ACER2: variants seen among roughly 807,000 people sequenced by gnomAD.
The protein encoded by ACER2 is alkaline ceramidase 2.
A neutral mutation model predicts 34.7 loss-of-function variants in ACER2; 26 were observed. The observed-to-expected ratio is 0.75, with a 90% CI of 0.55 to 1.04. The LOEUF is 1.04. Ranked by LOEUF, ACER2 falls within the 50% of genes least tolerant of loss-of-function variation. ACER2 has a pLI of 0.00. For missense variants in ACER2, 352 were observed against 340.8 expected, an observed-to-expected ratio of 1.03 and a Z score of -0.26; for synonymous variants, 138 against 132.1, an observed-to-expected ratio of 1.04 and a Z score of -0.31.
rs1444284799 is a variant in ACER2 at position 19,421,276 on chromosome 9, A to G, written c.109-2586A>G. Among the ~76,000 whole-genome samples the G allele has an allele frequency of 2.6e-5, 4 of 152,230 alleles. No homozygotes were observed. The East Asian group carries it at 7.7e-4, about 29-fold the overall frequency. Reference sequence around the variant, plus strand: ...TGCAAATAATGATACTATCACATTGATGATTAAGTTTTAACATATGAATTT... The same window carrying G: ...TGCAAATAATGATACTATCACATTGGTGATTAAGTTTTAACATATGAATTT... On this transcript the variant is annotated intron_variant, in intron 1 of 5. Transcript: ENST00000340967.
chr9:19,448,709 A>C (rs1831459864), intron 5 of ACER2, among the ~76,000 whole-genome samples: 1 of 152,230 alleles, frequency 6.6e-6, no homozygotes, highest in Non-Finnish European at 1.5e-5. Flanking sequence ...TGTTTGAGAA[A>C]AATTATATTT....
intron 4 of ACER2, among the ~76,000 whole-genome samples, chr9:19,439,344 C>CTTTTTTTTTTTTTTTTTTTTTTTTTTT (rs55690063): frequency 2.2e-5 from 3 of 138,752 alleles, no homozygotes; most frequent in Non-Finnish European, 1.5e-5. Flanking sequence ...AAGGGGCTTG[C>CTTTTTTTTTTTTTTTTTTTTTTTTTTT]TTTTTTTTTT....
intron 4 of ACER2, among the ~76,000 whole-genome samples, chr9:19,438,387 C>G (rs1831039488): frequency 1.3e-5 from 2 of 152,090 alleles, no homozygotes; most frequent in Non-Finnish European, 2.9e-5. Context: ...GGGATCTTAC[C>G]TTTATTATCC....
intron 5 of ACER2, among the ~76,000 whole-genome samples, chr9:19,448,862 C>T (rs1038070959): frequency 2.0e-5 from 3 of 152,098 alleles, no homozygotes; most frequent in Non-Finnish European, 2.9e-5. Flanking sequence ...TCATATCAGC[C>T]GGGCGTGGTG....
At chr9:19,441,981 T>G (rs1831170535) in intron 4 of ACER2, among the ~76,000 whole-genome samples, 1 of 152,242 alleles carries the variant, frequency 6.6e-6, no homozygotes, top group African/African-American at 2.4e-5. Context: ...TCACTTTCTC[T>G]TTCTCTTTAG....
chr9:19,429,664 A>G (rs892551439), intron 3 of ACER2, among the ~76,000 whole-genome samples: 5 of 152,172 alleles, frequency 3.3e-5, no homozygotes, highest in African/African-American at 1.2e-4. Flanking sequence ...TTATTCTGCT[A>G]TAGTTTTTAT....
chr9:19,429,414 C>A (rs1475033768), intron 3 of ACER2, among the ~76,000 whole-genome samples: 1 of 152,184 alleles, frequency 6.6e-6, no homozygotes, highest in Non-Finnish European at 1.5e-5. Context: ...TCACTGCAAC[C>A]TCTGCTTCCT....
chr9:19,434,645 C>T (rs1038040336), intron 3 of ACER2, among the ~76,000 whole-genome samples: 4 of 152,214 alleles, frequency 2.6e-5, no homozygotes, highest in East Asian at 1.9e-4. Context: ...TGGCGGTGCG[C>T]GCCTGCAATT....
At chr9:19,424,556 G>T (rs1026862673) in intron 2 of ACER2, 144 bp from the exon 3 acceptor site, 2 of 1,474,724 alleles carry the variant, frequency 1.4e-6, no homozygotes, top group Non-Finnish European at 1.8e-6. Context: ...GGTGGTGTGA[G>T]TTTCTTTCTT....
chr9:19,419,518 C>T (rs868546969), intron 1 of ACER2, among the ~76,000 whole-genome samples: 5 of 152,292 alleles, frequency 3.3e-5, no homozygotes, highest in Middle Eastern at 3.4e-3. Context: ...GTAATCCTGG[C>T]ACTGTTAAAG....
At chr9:19,436,259 C>T (rs1563886116) in intron 4 of ACER2, among the ~76,000 whole-genome samples, 1 of 152,048 alleles carries the variant, frequency 6.6e-6, no homozygotes, top group Admixed American at 6.5e-5. Flanking sequence ...CTCCCCTCCC[C>T]ATCTTTAGTC....
Position 19,409,197 on chromosome 9 carries a change from G to A in ACER2, c.108+5G>A, listed in dbSNP as rs1408090592. The A allele has an allele frequency of 6.3e-7, 1 of 1,577,578 alleles. No homozygotes were observed. The highest frequency in any genetic ancestry group is 1.2e-5 in the South Asian group (1 of 86,174). ...ATCGCCGAGTTCTACAACACGGTGC[G>A]GGGCGCGGGAGCGGGGAAGGCAGGC... On this transcript the variant is annotated splice_donor_5th_base_variant and intron_variant, in intron 1 of 5. Coordinates refer to ENST00000340967, the MANE Select transcript of ACER2 (RefSeq NM_001010887.3).
intron 5 of ACER2, among the ~76,000 whole-genome samples, chr9:19,446,992 G>A (rs931305521): frequency 9.9e-5 from 15 of 151,778 alleles, no homozygotes; most frequent in Non-Finnish European, 1.5e-4. Flanking sequence ...ACATTGGAGC[G>A]TCTATACTTT....
At chr9:19,433,526 CA>C (rs1259472052) in intron 3 of ACER2, among the ~76,000 whole-genome samples, 2 of 151,978 alleles carry the variant, frequency 1.3e-5, no homozygotes, top group African/African-American at 2.4e-5. Flanking sequence ...TAGTACAGAA[CA>C]AAATGAAAAG....
intron 1 of ACER2, among the ~76,000 whole-genome samples, chr9:19,421,028 A>G (rs1209497803): frequency 6.6e-6 from 1 of 152,152 alleles, no homozygotes; most frequent in Non-Finnish European, 1.5e-5. Context: ...CTTTGTACAC[A>G]CCCAGGCCAT....
chr9:19,412,511 G>T (rs562763329), intron 1 of ACER2, among the ~76,000 whole-genome samples: 1 of 152,046 alleles, frequency 6.6e-6, no homozygotes, highest in Non-Finnish European at 1.5e-5. Flanking sequence ...AAATTTAGCT[G>T]GTTGTGGTGG....
intron 4 of ACER2, among the ~76,000 whole-genome samples, chr9:19,438,513 C>G (rs1831044748): frequency 6.6e-6 from 1 of 152,232 alleles, no homozygotes; most frequent in Non-Finnish European, 1.5e-5. Context: ...GCATCCTCCT[C>G]TAGCCAACTC....
chr9:19,443,191 C>T (rs1230980694), intron 4 of ACER2, among the ~76,000 whole-genome samples: 1 of 152,160 alleles, frequency 6.6e-6, no homozygotes, highest in Non-Finnish European at 1.5e-5. Context: ...CCACCATGCC[C>T]AGCTAATTTT....
Position 19,446,424 on chromosome 9 carries a change from C to T in ACER2, c.641+6C>T, listed in dbSNP as rs1436608277. Reference sequence around the variant, plus strand: ...CCCTACCTGCACTGCATGTGGTAAGCCCCTGCTAATGGGGAGGTGGCCGGG... The same window carrying T: ...CCCTACCTGCACTGCATGTGGTAAGTCCCTGCTAATGGGGAGGTGGCCGGG... On this transcript the variant is annotated splice_donor_region_variant and intron_variant, in intron 5 of 5. Coordinates refer to ENST00000340967, the MANE Select transcript of ACER2 (RefSeq NM_001010887.3). 2.5e-6 allele frequency: 4 copies of T among 1,614,036 alleles called. No individual in the cohort carries two copies. Among genetic ancestry groups the T allele is most frequent in the Admixed American group, 3.3e-5 (2 of 60,008 alleles).
Sources: allele counts gnomAD v4.1 joint callset (sites outside exome capture counted in the v4.1 genomes callset), GRCh38; gene constraint gnomAD v4.1.1; transcripts MANE v1.5; gene names NCBI Gene and HGNC (gene_info 2026-07-23, HGNC 2026-07-21).